The following NRXN3 variants were observed in gnomAD, a reference collection of about 807,000 sequenced individuals.
The protein encoded by NRXN3 is neurexin III.
Under a neutral mutation model 137.6 loss-of-function variants are expected in NRXN3, and 32 were observed. That is an observed-to-expected ratio of 0.23 (90% CI 0.18 to 0.31). The LOEUF (loss-of-function observed/expected upper bound fraction) is 0.31. NRXN3 is among the 10% of genes least tolerant of loss of function. The pLI, the probability that NRXN3 is intolerant of heterozygous loss-of-function variation, is 1.00. For missense variants in NRXN3, 1,574 were observed against 2,062.5 expected (o/e 0.76, Z 4.59); for synonymous variants, 798 against 784.5 (o/e 1.02, Z -0.29).
rs538282553 is a variant in NRXN3 at position 78,188,082 on chromosome 14, A to G, written c.-704+17408A>G. On this transcript the variant is annotated intron_variant, in intron 1 of 20. Coordinates refer to ENST00000335750, the MANE Select transcript of NRXN3 (RefSeq NM_001330195.2). ...CAGCTAATATTGTCACCCTGGCTTT[A>G]GAGATGGAGAAACAGGATGGATTAA... 4.6e-5 allele frequency among the ~76,000 whole-genome samples: 7 copies of G among 152,306 alleles called. No individual in the cohort carries two copies. The South Asian group carries it at 1.5e-3, about 32-fold the overall frequency.
rs1463306208 is a variant in NRXN3 at position 78,347,115 on chromosome 14, G to A, written c.757+49255G>A. Among the ~76,000 whole-genome samples the A allele has an allele frequency of 2.6e-5, 4 of 152,312 alleles. No homozygotes were observed. The East Asian group carries it at 7.7e-4, about 29-fold the overall frequency. On this transcript the variant is annotated intron_variant, in intron 4 of 20. Transcript: ENST00000335750. ...GTTACGTTCACAGCATTTTGAAAAA[G>A]TTTATGAATTGCCGTCAATTACAAT...
chr14:79,371,816 A>G (rs909497833), intron 15 of NRXN3, among the ~76,000 whole-genome samples: 1 of 152,228 alleles, frequency 6.6e-6, no homozygotes, highest in East Asian at 1.9e-4. Context: ...AAAATACCCA[A>G]CGATGCTGTT....
At chr14:78,430,314 G>T (rs1407103856) in intron 4 of NRXN3, among the ~76,000 whole-genome samples, 1 of 152,184 alleles carries the variant, frequency 6.6e-6, no homozygotes, top group African/African-American at 2.4e-5. Context: ...CTTGAGTCTT[G>T]TCTTGGAGCA....
chr14:79,124,684 A>G (rs555399419), intron 15 of NRXN3, among the ~76,000 whole-genome samples: 2 of 152,332 alleles, frequency 1.3e-5, no homozygotes, highest in Admixed American at 1.3e-4. Context: ...GGGATGTATG[A>G]TCACCTTAAC....
At chr14:79,740,739 T>A (rs1247495308) in intron 19 of NRXN3, among the ~76,000 whole-genome samples, 3 of 43,448 alleles carry the variant, frequency 6.9e-5, no homozygotes, top group African/African-American at 1.8e-4. Flanking sequence ...TATATATATA[T>A]ATATATATAT....
rs141038061 is a variant in NRXN3 at position 78,300,851 on chromosome 14, C to A, written c.757+2991C>A. Among the ~76,000 whole-genome samples, 260 of 152,316 alleles carry A rather than the reference C, an allele frequency of 1.7e-3. 2 individuals are homozygous for A. Among genetic ancestry groups the A allele is most frequent in the African/African-American group, 5.8e-3 (240 of 41,564 alleles). On this transcript the variant is annotated intron_variant, in intron 4 of 20. Transcript: ENST00000335750. ...AATAAAAATAAAAAGCCAATGCTAT[C>A]ATTTCCCTTCAGTGCATTTCATGTT...
At position 78,417,958 on chromosome 14, in the gene NRXN3, C is replaced by T. The variant is rs189870371; in HGVS notation, c.757+120098C>T. Among the ~76,000 whole-genome samples the T allele has an allele frequency of 5.4e-3, 817 of 152,212 alleles. 2 individuals carry two copies. The highest frequency in any genetic ancestry group is 0.018 in the African/African-American group (768 of 41,558). ...TTTTAGTAGAGACAGTGTTTTGCCA[C>T]ATTGGCCAGGCTGGTCTCAAACTCC... On this transcript the variant is annotated intron_variant, in intron 4 of 20. Coordinates refer to ENST00000335750, the MANE Select transcript of NRXN3 (RefSeq NM_001330195.2).
chr14:78,215,821 T>C (rs1454731750), intron 1 of NRXN3, among the ~76,000 whole-genome samples: 2 of 151,652 alleles, frequency 1.3e-5, no homozygotes, highest in African/African-American at 4.8e-5. Flanking sequence ...TCTTTGGATC[T>C]CCCACATCTG....
At chr14:78,882,988 A>G (rs2099133644) in intron 10 of NRXN3, among the ~76,000 whole-genome samples, 1 of 152,140 alleles carries the variant, frequency 6.6e-6, no homozygotes, top group African/African-American at 2.4e-5. Context: ...AGTTCTCACA[A>G]GAGCTGATGA....
At chr14:79,613,000 G>A (rs747474409) in intron 16 of NRXN3, among the ~76,000 whole-genome samples, 7 of 152,170 alleles carry the variant, frequency 4.6e-5, no homozygotes, top group Non-Finnish European at 7.3e-5. Flanking sequence ...TTTAAGTTTG[G>A]TGAGTGTCAG....
chr14:78,421,514 C>T (rs2093444298), intron 4 of NRXN3, among the ~76,000 whole-genome samples: 1 of 152,066 alleles, frequency 6.6e-6, no homozygotes, highest in South Asian at 2.1e-4. Context: ...TAGATAAATA[C>T]AGATAGATTT....
chr14:79,123,750 C>G (rs1175122285), intron 15 of NRXN3, among the ~76,000 whole-genome samples: 1 of 152,134 alleles, frequency 6.6e-6, no homozygotes, highest in East Asian at 1.9e-4. Context: ...TCAGGGAAAG[C>G]ATTTCAGTGG....
chr14:79,121,653 A>G (rs981395284), intron 15 of NRXN3, among the ~76,000 whole-genome samples: 3 of 152,246 alleles, frequency 2.0e-5, no homozygotes, highest in African/African-American at 4.8e-5. Flanking sequence ...GAACTGAGCA[A>G]TACGTTCAGT....
chr14:78,556,758 A>G (rs1288369391), intron 4 of NRXN3, among the ~76,000 whole-genome samples: 1 of 151,910 alleles, frequency 6.6e-6, no homozygotes, highest in Non-Finnish European at 1.5e-5. Context: ...CAAATACCTG[A>G]TCTCCATTTT....
intron 16 of NRXN3, among the ~76,000 whole-genome samples, chr14:79,514,038 C>T (rs889036011): frequency 6.6e-6 from 1 of 152,150 alleles, no homozygotes; most frequent in African/African-American, 2.4e-5. Context: ...TAATATACTA[C>T]ATCATGCAAC....
chr14:79,292,968 A>C (rs1020025855), intron 15 of NRXN3, among the ~76,000 whole-genome samples: 5 of 152,170 alleles, frequency 3.3e-5, no homozygotes, highest in African/African-American at 7.2e-5. Context: ...TGTCAATAAT[A>C]ATCTCAGGAG....
intron 19 of NRXN3, among the ~76,000 whole-genome samples, chr14:79,706,615 A>G (rs1157981971): frequency 1.3e-5 from 2 of 152,050 alleles, no homozygotes; most frequent in Non-Finnish European, 2.9e-5. Flanking sequence ...ACTGTGTTCA[A>G]AGGAGAAAGA....
chr14:79,231,868 A>C (rs1232011487), intron 15 of NRXN3, among the ~76,000 whole-genome samples: 2 of 152,144 alleles, frequency 1.3e-5, no homozygotes, highest in Non-Finnish European at 2.9e-5. Flanking sequence ...TTGGAAATAA[A>C]ATGTTAAACT....
At chr14:79,854,226 A>C (rs1310775143) in intron 20 of NRXN3, 1 of 863,160 alleles carries the variant, frequency 1.2e-6, no homozygotes, top group East Asian at 1.2e-4. Context: ...ATGTAAGTTG[A>C]CTATAAATTA....
Sources: gnomAD v4.1 joint callset for allele counts (sites outside exome capture counted in the v4.1 genomes callset) on GRCh38, gnomAD v4.1.1 for gene constraint, MANE v1.5 for transcripts, NCBI Gene and HGNC (gene_info 2026-07-23, HGNC 2026-07-21) for gene names.